The following PJA2 variants were observed in gnomAD, a reference collection of about 807,000 sequenced individuals.
PJA2 encodes E3 ubiquitin-protein ligase Praja-2.
Under a neutral mutation model 69.3 loss-of-function variants are expected in PJA2, and 25 were observed. The ratio of observed to expected loss-of-function variants is 0.36; its 90% confidence interval spans 0.26 to 0.50. The LOEUF (loss-of-function observed/expected upper bound fraction) is 0.50. PJA2 is among the 20% of genes least tolerant of loss of function. PJA2 has a pLI of 0.96. For missense variants in PJA2, 809 were observed against 830.2 expected, an observed-to-expected ratio of 0.97 and a Z score of 0.31; for synonymous variants, 308 against 277.8, an observed-to-expected ratio of 1.11 and a Z score of -1.08.
intron 5 of PJA2, among the ~76,000 whole-genome samples, chr5:109,366,053 T>C (rs1376170567): frequency 6.6e-6 from 1 of 152,196 alleles, no homozygotes; most frequent in African/African-American, 2.4e-5. Context: ...TCCCAGATAT[T>C]AGAACTTTTT....
intron 7 of PJA2, 60 bp downstream of exon 7, chr5:109,355,854 TA>T: frequency 8.1e-7 from 1 of 1,235,288 alleles, no homozygotes; most frequent in East Asian, 2.3e-5. Context: ...AAAATCCCTT[TA>T]AACCTTTATC....
intron 6 of PJA2, among the ~76,000 whole-genome samples, chr5:109,360,269 T>C (rs1297007457): frequency 1.3e-5 from 2 of 152,208 alleles, no homozygotes; most frequent in African/African-American, 4.8e-5. Flanking sequence ...TTGGGATTTG[T>C]CTGTGTCTAA....
chr5:109,378,293 A>C lies in PJA2; in HGVS notation c.1194T>G (p.Ser398Arg), dbSNP rs747597960. Reference protein sequence around the residue: ...ETENNQMTSESGATAGRQEVD... With the variant: ...ETENNQMTSERGATAGRQEVD... ...CCTCTTGCCTTCCTGCTGTGGCTCC[A>C]CTTTCTGATGTCATTTGGTTATTTT... The change falls in exon 4 of 10, where the codon AGT becomes AGG. Residue 398 changes from serine (S) to arginine (R), a missense_variant. Physicochemically the swap from Ser to Arg is moderately radical, Grantham distance 110 (BLOSUM62 -1). Coordinates refer to ENST00000361189, the MANE Select transcript of PJA2 (RefSeq NM_014819.5). 6.2e-7 allele frequency: 1 copy of C among 1,613,982 alleles called. No homozygotes were observed. The highest frequency in any genetic ancestry group is 8.5e-7 in the Non-Finnish European group (1 of 1,179,960).
chr5:109,401,127 T>C (rs1433002798), intron 1 of PJA2, among the ~76,000 whole-genome samples: 1 of 152,028 alleles, frequency 6.6e-6, no homozygotes, highest in African/African-American at 2.4e-5. Context: ...CCCTGTTAAA[T>C]ACAAAAATTA....
intron 4 of PJA2, among the ~76,000 whole-genome samples, chr5:109,375,698 C>T (rs983897245): frequency 6.6e-6 from 1 of 152,088 alleles, no homozygotes; most frequent in African/African-American, 2.4e-5. Flanking sequence ...TACTTTCCAT[C>T]CAAAACCTGA....
intron 1 of PJA2, among the ~76,000 whole-genome samples, chr5:109,392,715 A>G (rs1427839327): frequency 6.6e-6 from 1 of 152,260 alleles, no homozygotes; most frequent in African/African-American, 2.4e-5. Flanking sequence ...ACTGATACAC[A>G]TTACATACAA....
chr5:109,378,632 A>G lies in PJA2; in HGVS notation c.855T>C (p.Asp285=). ...QERQTEHSPE[D]AACGPGHICS... is the part of the protein sequence containing the mutation. The stretch of plus-strand genomic sequence containing the variant: ...AAATATGCCCTGGACCACAGGCTGC[A>G]TCTTCAGGTGAATGTTCTGTCTGTC... Residue 285 remains aspartate, a synonymous_variant, in exon 4 of 10, where the codon GAT becomes GAC. Coordinates refer to ENST00000361189, the MANE Select transcript of PJA2 (RefSeq NM_014819.5). The G allele has an allele frequency of 6.2e-7, 1 of 1,614,154 alleles. No individual in the cohort carries two copies. The highest frequency in any genetic ancestry group is 8.5e-7 in the Non-Finnish European group (1 of 1,180,016).
At chr5:109,368,340 T>G (rs542433642) in intron 5 of PJA2, among the ~76,000 whole-genome samples, 22 of 152,324 alleles carry the variant, frequency 1.4e-4, no homozygotes, top group African/African-American at 5.1e-4. Context: ...TAAAGCCAAG[T>G]GGAGACATAT....
chr5:109,369,017 C>A (rs888706241), intron 4 of PJA2, among the ~76,000 whole-genome samples: 2 of 152,018 alleles, frequency 1.3e-5, no homozygotes, highest in Non-Finnish European at 2.9e-5. Flanking sequence ...GCACCTCCCC[C>A]CTCATTCTTT....
Position 109,348,071 on chromosome 5 carries a change from T to C in PJA2, c.1765-3252A>G, listed in dbSNP as rs560463418. Reference sequence around the variant, plus strand: ...AGAATGGGATGCTATTAATCCATAGTCTGTAGTGGCATCACAATTAATCAA... The same window carrying C: ...AGAATGGGATGCTATTAATCCATAGCCTGTAGTGGCATCACAATTAATCAA... On this transcript the variant is annotated intron_variant, in intron 7 of 9. Coordinates refer to ENST00000361189, the MANE Select transcript of PJA2 (RefSeq NM_014819.5). 6.4e-4 allele frequency among the ~76,000 whole-genome samples: 98 copies of C among 152,302 alleles called. 2 individuals are homozygous for C. In the South Asian group the frequency reaches 0.019, roughly 30 times the overall value.
At chr5:109,382,981 C>T (rs1333561787) in intron 2 of PJA2, among the ~76,000 whole-genome samples, 1 of 151,990 alleles carries the variant, frequency 6.6e-6, no homozygotes, top group Non-Finnish European at 1.5e-5. Context: ...ACGCACATAT[C>T]GAGTATAAAT....
Position 109,334,870 on chromosome 5 carries a change from A to G in PJA2, c.*2361T>C, listed in dbSNP as rs186080894. 389 of 152,788 alleles carry G rather than the reference A, an allele frequency of 2.5e-3. No individual in the cohort carries two copies. Among genetic ancestry groups the G allele is most frequent in the South Asian group, 5.4e-3 (26 of 4,832 alleles). The allele number at this position is 152,788 out of a possible 1,614,324, so 9.5% of individuals were successfully genotyped here. ...CAATTCGTATGTATCTAACAAATAC[A>G]TAAATCCAGATCACAAATAATCTTA... On this transcript the variant is annotated 3_prime_UTR_variant, in exon 10 of 10. Transcript: ENST00000361189.
chr5:109,342,115 C>A (rs1464254451), intron 9 of PJA2, among the ~76,000 whole-genome samples: 1 of 129,004 alleles, frequency 7.8e-6, no homozygotes, highest in Non-Finnish European at 1.7e-5. Flanking sequence ...GTCGGCCCCC[C>A]GCCCGGCCAG....
intron 4 of PJA2, among the ~76,000 whole-genome samples, chr5:109,370,367 T>A (rs1169097332): frequency 6.6e-6 from 1 of 152,226 alleles, no homozygotes; most frequent in Non-Finnish European, 1.5e-5. Flanking sequence ...ACGCAGTTAG[T>A]GATTTCCTTT....
intron 9 of PJA2, among the ~76,000 whole-genome samples, chr5:109,342,636 C>G (rs866687579): frequency 1.1e-5 from 1 of 91,734 alleles, no homozygotes; most frequent in Non-Finnish European, 2.3e-5. Context: ...CCAGCCGCCC[C>G]GTCCGGGAGG....
rs967532505 is a variant in PJA2 at position 109,355,834 on chromosome 5, G to T, written c.1764+81C>A. 3 of 922,260 alleles carry T rather than the reference G, an allele frequency of 3.3e-6. No homozygotes were observed. The Admixed American group carries it at 6.6e-5, about 20-fold the overall frequency. 57.1% of individuals were successfully genotyped at this position (922,260 alleles called of 1,614,324 possible). ...GGGAAAAAGATTCACCTTTTCTTAA[G>T]AGTAGTCTAAAAATCCCTTTAAACC... is the stretch of plus-strand genomic sequence containing the variant. On this transcript the variant is annotated intron_variant, in intron 7 of 9. Transcript: ENST00000361189.
chr5:109,379,019 G>A lies in PJA2; in HGVS notation c.468C>T (p.Val156=). 1 of 1,614,042 alleles carries A rather than the reference G, an allele frequency of 6.2e-7. No homozygotes were observed. The highest frequency in any genetic ancestry group is 1.1e-5 in the South Asian group (1 of 91,064). ...YIPGACSASS[V]QNGIALVHTD... ...TATGAACCAATGCAATTCCATTTTG[G>A]ACACTTGAAGCACTACAAGCTCCTG... The change falls in exon 4 of 10, where the codon GTC becomes GTT. Residue 156 remains valine (V), a synonymous_variant. Coordinates refer to ENST00000361189, the MANE Select transcript of PJA2 (RefSeq NM_014819.5).
rs192198792 is a variant in PJA2, at chr5:109,354,569, A to G, written c.1764+1346T>C. 3.4e-3 allele frequency among the ~76,000 whole-genome samples: 444 copies of G among 129,574 alleles called. 16 individuals carry two copies. The East Asian group carries it at 0.076, about 22-fold the overall frequency. The allele number at this position is 129,574 out of a possible 152,430, so 85.0% of individuals were successfully genotyped here. ...ATCTATATCGATATTAGATATCTAT[A>G]ATATCTATAGATATCTATATCGATA... is the stretch of plus-strand genomic sequence containing the variant. On this transcript the variant is annotated intron_variant, in intron 7 of 9. Transcript: ENST00000361189.
At chr5:109,337,976 T>C (rs1761977598) in intron 9 of PJA2, among the ~76,000 whole-genome samples, 1 of 152,052 alleles carries the variant, frequency 6.6e-6, no homozygotes, top group Non-Finnish European at 1.5e-5. Flanking sequence ...GCCTTCTAAA[T>C]GACAAAACAA....
Sources: allele counts gnomAD v4.1 joint callset (sites outside exome capture counted in the v4.1 genomes callset), GRCh38; gene constraint gnomAD v4.1.1; transcripts MANE v1.5; gene names NCBI Gene and HGNC (gene_info 2026-07-23, HGNC 2026-07-21).